The following HMGA2 variants were observed in gnomAD, a reference collection of about 807,000 sequenced individuals.
The protein encoded by HMGA2 is high mobility group AT-hook 2, also known as high mobility group protein HMGI-C.
In HMGA2, 8 loss-of-function variants were observed where a neutral mutation model predicts 19.1. The observed-to-expected ratio is 0.42, with a 90% CI of 0.25 to 0.76. The LOEUF (loss-of-function observed/expected upper bound fraction) is 0.76, where lower values mean the gene tolerates loss of function less well. Ranked by LOEUF, HMGA2 falls within the 30% of genes least tolerant of loss-of-function variation. The pLI is 0.28. For missense variants in HMGA2, 109 were observed against 136.3 expected (o/e 0.80, Z 1.00); for synonymous variants, 60 against 48.8 (o/e 1.23, Z -0.96).
intron 3 of HMGA2, among the ~76,000 whole-genome samples, chr12:65,878,032 AG>A (rs1212262638): frequency 2.6e-5 from 4 of 152,170 alleles, no homozygotes. Flanking sequence ...ACCCCAGCCA[AG>A]GGTGAGGTGT....
At chr12:65,903,144 A>G (rs971190067) in intron 3 of HMGA2, among the ~76,000 whole-genome samples, 2 of 152,160 alleles carry the variant, frequency 1.3e-5, no homozygotes, top group Admixed American at 1.3e-4. Flanking sequence ...ATTTCCCTTC[A>G]GCTGCTTTAT....
In HMGA2 at chr12:65,862,764, G is replaced by A. The variant is rs76642245; in HGVS notation, c.249+24195G>A. ...AGGGAGCTGAGCTGATGGAGCCATGGGTCACAGTAGCTGAAGCCATGGCTG... is the reference window on the plus strand; with the variant it reads ...AGGGAGCTGAGCTGATGGAGCCATGAGTCACAGTAGCTGAAGCCATGGCTG... On this transcript the variant is annotated intron_variant, in intron 3 of 4. Transcript: ENST00000403681. 7.7e-4 allele frequency among the ~76,000 whole-genome samples: 117 copies of A among 152,252 alleles called. 1 individual carries two copies. In the East Asian group the frequency reaches 0.013, roughly 17 times the overall value.
intron 3 of HMGA2, among the ~76,000 whole-genome samples, chr12:65,860,889 C>T (rs150218703): frequency 2.2e-4 from 34 of 152,240 alleles, no homozygotes; most frequent in African/African-American, 7.7e-4. Context: ...GGAAAATATT[C>T]TCAAAGATAA....
chr12:65,957,101 A>G (rs1168373760), intron 4 of HMGA2: 3 of 152,346 alleles, frequency 2.0e-5, no homozygotes, highest in African/African-American at 7.2e-5. Flanking sequence ...ATAACTCAGG[A>G]TAATGAAAAA....
chr12:65,912,041 C>T (rs1007681975), intron 3 of HMGA2, among the ~76,000 whole-genome samples: 1 of 152,134 alleles, frequency 6.6e-6, no homozygotes, highest in Non-Finnish European at 1.5e-5. Context: ...GAGCTTCAGG[C>T]TGGTGATCCC....
intron 3 of HMGA2, among the ~76,000 whole-genome samples, chr12:65,890,165 A>C (rs1873842965): frequency 6.6e-6 from 1 of 152,200 alleles, no homozygotes; most frequent in Non-Finnish European, 1.5e-5. Flanking sequence ...CCACAAAGTT[A>C]GTGGTTACCA....
chr12:65,885,297 T>A (rs1345908306), intron 3 of HMGA2, among the ~76,000 whole-genome samples: 2 of 152,130 alleles, frequency 1.3e-5, no homozygotes, highest in Non-Finnish European at 2.9e-5. Context: ...TCAGCCCTGA[T>A]CATGATAAAT....
At position 65,963,804 on chromosome 12, in the gene HMGA2, AAAGAT is replaced by A. The variant is rs1425935987; in HGVS notation, c.*516_*520del. ...TAGTGAATCCTCTGTTTAGAACACCAAAGATAAGGACTAGATACTACTTTCTCTTT... is the reference window on the plus strand; with the variant it reads ...TAGTGAATCCTCTGTTTAGAACACCAAAGGACTAGATACTACTTTCTCTTT... On this transcript the variant is annotated 3_prime_UTR_variant, in exon 5 of 5. Transcript: ENST00000403681. 4.3e-6 allele frequency: 1 copy of A among 232,298 alleles called. No individual in the cohort carries two copies. The highest frequency in any genetic ancestry group is 2.2e-5 in the African/African-American group (1 of 44,862). 14.4% of individuals were successfully genotyped at this position (232,298 alleles called of 1,614,324 possible). A position where few individuals can be genotyped will look rare whatever the true frequency, so the allele number is the denominator to read the frequency against.
chr12:65,919,392 G>T (rs1412891467), intron 3 of HMGA2, among the ~76,000 whole-genome samples: 8 of 152,134 alleles, frequency 5.3e-5, no homozygotes, highest in Admixed American at 3.9e-4. Flanking sequence ...AAAAAAAATG[G>T]TAGTAGTCCC....
At chr12:65,852,888 C>T (rs979372874) in intron 3 of HMGA2, among the ~76,000 whole-genome samples, 1 of 152,200 alleles carries the variant, frequency 6.6e-6, no homozygotes, top group African/African-American at 2.4e-5. Context: ...CAGTAGTAGA[C>T]ATTGAAGAGG....
intron 4 of HMGA2, chr12:65,958,621 G>C (rs1465765225): frequency 6.6e-6 from 1 of 152,076 alleles, no homozygotes; most frequent in East Asian, 1.9e-4. Context: ...TTTCTGTTGT[G>C]ACAGGACTGA....
chr12:65,848,036 A>G (rs1194959929), intron 3 of HMGA2, among the ~76,000 whole-genome samples: 4 of 152,194 alleles, frequency 2.6e-5, no homozygotes, highest in African/African-American at 9.7e-5. Context: ...TTTGAATTCC[A>G]TCTTATGCCT....
At chr12:65,936,937 G>A (rs367550837) in intron 3 of HMGA2, among the ~76,000 whole-genome samples, 97 of 152,034 alleles carry the variant, frequency 6.4e-4, no homozygotes, top group African/African-American at 1.8e-3. Context: ...TATGTGAAGG[G>A]AATGGAACTC....
At chr12:65,946,096 C>T (rs959731983) in intron 3 of HMGA2, among the ~76,000 whole-genome samples, 2 of 151,946 alleles carry the variant, frequency 1.3e-5, no homozygotes, top group African/African-American at 2.4e-5. Flanking sequence ...TGTGAAAGGC[C>T]CCCAAAATGT....
chr12:65,926,551 T>C (rs1875511932), intron 3 of HMGA2, among the ~76,000 whole-genome samples: 1 of 152,246 alleles, frequency 6.6e-6, no homozygotes, highest in South Asian at 2.1e-4. Flanking sequence ...TCCACCTAAT[T>C]GCAGTTTGCA....
chr12:65,907,597 G>A (rs1218293838), intron 3 of HMGA2, among the ~76,000 whole-genome samples: 1 of 152,060 alleles, frequency 6.6e-6, no homozygotes, highest in East Asian at 1.9e-4. Flanking sequence ...CTATTCTTTG[G>A]GGAGTTCTTC....
chr12:65,855,511 G>A (rs1190206242), intron 3 of HMGA2, among the ~76,000 whole-genome samples: 1 of 145,202 alleles, frequency 6.9e-6, no homozygotes, highest in East Asian at 2.1e-4. Flanking sequence ...GTGCTAAGAT[G>A]CAAACACTAG....
At chr12:65,842,524 A>G in intron 3 of HMGA2, 2 of 1,219,464 alleles carry the variant, frequency 1.6e-6, no homozygotes, top group Non-Finnish European at 2.3e-6. Context: ...TATGCTGAAT[A>G]TTAATCAAGT....
chr12:65,901,788 T>C (rs1295638193), intron 3 of HMGA2, among the ~76,000 whole-genome samples: 1 of 152,038 alleles, frequency 6.6e-6, no homozygotes, highest in Non-Finnish European at 1.5e-5. Flanking sequence ...ATGACATGAA[T>C]CTATAAATCC....
Sources: allele counts gnomAD v4.1 joint callset (sites outside exome capture counted in the v4.1 genomes callset), GRCh38; gene constraint gnomAD v4.1.1; transcripts MANE v1.5; gene names NCBI Gene and HGNC (gene_info 2026-07-23, HGNC 2026-07-21).